The following CNKSR2 variants were observed in gnomAD, a reference collection of about 807,000 sequenced individuals.
CNKSR2 encodes the protein connector enhancer of kinase suppressor of Ras 2.
In CNKSR2, 14 loss-of-function variants were observed where a neutral mutation model predicts 84.4. The ratio of observed to expected loss-of-function variants is 0.17; its 90% CI spans 0.11 to 0.26. The LOEUF (loss-of-function observed/expected upper bound fraction) is 0.26, where lower values mean the gene tolerates loss of function less well. CNKSR2 is among the 10% of genes least tolerant of loss of function. CNKSR2 has a pLI of 1.00. For synonymous variants in CNKSR2, 275 were observed against 277.9 expected, an observed-to-expected ratio of 0.99 and a Z score of 0.10; for missense variants, 485 against 771.2, an observed-to-expected ratio of 0.63 and a Z score of 4.40.
chrX:21,488,620 A>G (rs754042633), intron 5 of CNKSR2, among the ~76,000 whole-genome samples: 1 of 111,847 alleles, frequency 8.9e-6, no homozygotes, highest in African/African-American at 3.2e-5. Context: ...TTAGCATGAC[A>G]GTTTCTTTAG....
At chrX:21,557,715 C>T (rs1430408103) in intron 11 of CNKSR2, among the ~76,000 whole-genome samples, 1 of 110,921 alleles carries the variant, frequency 9.0e-6, no homozygotes, top group Non-Finnish European at 1.9e-5. Context: ...GGCCCTAATC[C>T]TCGTTTTCTA....
At chrX:21,419,871 T>C (rs752808775) in intron 1 of CNKSR2, among the ~76,000 whole-genome samples, 24 of 112,102 alleles carry the variant, frequency 2.1e-4, no homozygotes, top group African/African-American at 5.8e-4. Context: ...TACATCTTGC[T>C]CAAGTCCTGC....
chrX:21,567,149 T>C (rs1234433022), intron 13 of CNKSR2, among the ~76,000 whole-genome samples: 2 of 111,650 alleles, frequency 1.8e-5, no homozygotes, highest in Non-Finnish European at 3.8e-5. Context: ...CACTACCCTC[T>C]GAACTAAATC....
At chrX:21,420,271 C>T (rs1244398723) in intron 1 of CNKSR2, among the ~76,000 whole-genome samples, 1 of 112,419 alleles carries the variant, frequency 8.9e-6, no homozygotes, top group Non-Finnish European at 1.9e-5. Flanking sequence ...TGCTGCCTGG[C>T]CTGGGCCTCA....
chrX:21,470,299 G>T (rs1161560953), intron 4 of CNKSR2, among the ~76,000 whole-genome samples: 1 of 111,442 alleles, frequency 9.0e-6, no homozygotes, highest in African/African-American at 3.3e-5. Context: ...TTAATAGCTT[G>T]CAATAGTTGA....
chrX:21,442,731 A>G (rs1382911083), intron 4 of CNKSR2, among the ~76,000 whole-genome samples: 1 of 111,871 alleles, frequency 8.9e-6, no homozygotes, highest in Non-Finnish European at 1.9e-5. Context: ...ATTTAAAAAT[A>G]GTGAAGACTT....
Position 21,609,092 on chromosome X carries a change from G to C in CNKSR2, c.2167G>C (p.Val723Leu). Residue 723 changes from valine to leucine, a missense_variant, in exon 20 of 22, where the codon GTG becomes CTG. Val to Leu is a conservative substitution (Grantham distance 32). This residue lies in a region of CNKSR2 where 210 missense variants were observed against 291.5 expected (regional missense o/e 0.72). Transcript: ENST00000379510. The part of the protein sequence containing the change: ...PPSMSCASPY[V>L]EAKHSRLSST... ...ACAGATGAGTTGCGCCAGTCCTTAT[G>C]TGGAAGCAAAACATAGCCGACTTTC... The C allele has an allele frequency of 1.7e-6, 2 of 1,208,911 alleles. No individual in the cohort carries two copies. Among genetic ancestry groups the C allele is most frequent in the East Asian group, 5.9e-5 (2 of 33,829 alleles).
At chrX:21,390,581 C>T (rs1264551382) in intron 1 of CNKSR2, among the ~76,000 whole-genome samples, 1 of 111,322 alleles carries the variant, frequency 9.0e-6, no homozygotes, top group Non-Finnish European at 1.9e-5. Flanking sequence ...GGAAATCCAC[C>T]CCCATGAGCC....
At chrX:21,467,266 T>A (rs146128701) in intron 4 of CNKSR2, among the ~76,000 whole-genome samples, 2,116 of 111,525 alleles carry the variant, frequency 0.019, 24 homozygotes, top group Non-Finnish European at 0.03. Context: ...GGCCTCACTC[T>A]GAATCAACTA....
At chrX:21,561,766 C>T (rs1420904163) in intron 12 of CNKSR2, among the ~76,000 whole-genome samples, 1 of 110,878 alleles carries the variant, frequency 9.0e-6, no homozygotes, top group Non-Finnish European at 1.9e-5. Context: ...TAAGGGGTTC[C>T]AGGTACATAA....
In CNKSR2 at chrX:21,503,219, G is replaced by T. The variant is rs1212819554; in HGVS notation, c.810+1631G>T. The T allele has an allele frequency of 2.4e-5, 7 of 292,158 alleles. No homozygotes were observed. In the East Asian group the frequency reaches 3.4e-4, roughly 14 times the overall value. 24.1% of individuals were successfully genotyped at this position (292,158 alleles called of 1,213,427 possible). On this transcript the variant is annotated intron_variant, in intron 8 of 21. Transcript: ENST00000379510. ...GGTGACATTTAAATACACCTAGAAT[G>T]TGTAAATGCATCTTTACATCACAGG...
intron 1 of CNKSR2, among the ~76,000 whole-genome samples, chrX:21,415,049 A>C (rs2090397581): frequency 9.0e-6 from 1 of 111,703 alleles, no homozygotes; most frequent in South Asian, 3.7e-4. Flanking sequence ...TTGTGATTCC[A>C]TATACATTTT....
chrX:21,577,860 A>G (rs1265091240), intron 13 of CNKSR2, among the ~76,000 whole-genome samples: 5 of 111,147 alleles, frequency 4.5e-5, no homozygotes, highest in East Asian at 2.8e-4. Flanking sequence ...CCACAAAACT[A>G]TGGGTATAAT....
At chrX:21,380,883 A>G (rs1169708839) in intron 1 of CNKSR2, among the ~76,000 whole-genome samples, 1 of 112,384 alleles carries the variant, frequency 8.9e-6, no homozygotes, top group Non-Finnish European at 1.9e-5. Flanking sequence ...TACTAATTTT[A>G]AAAAAGGTTG....
At chrX:21,452,523 C>T (rs981942969) in intron 4 of CNKSR2, among the ~76,000 whole-genome samples, 2 of 111,267 alleles carry the variant, frequency 1.8e-5, no homozygotes, top group South Asian at 7.4e-4. Context: ...TTGCCTGTAC[C>T]CTCACGTCTC....
chrX:21,570,062 T>C (rs960853245), intron 13 of CNKSR2, among the ~76,000 whole-genome samples: 18 of 112,142 alleles, frequency 1.6e-4, no homozygotes, highest in African/African-American at 5.8e-4. Context: ...TAAATGAGCA[T>C]TGGCTTCAAG....
intron 13 of CNKSR2, among the ~76,000 whole-genome samples, chrX:21,586,643 A>G (rs2092390467): frequency 8.9e-6 from 1 of 112,315 alleles, no homozygotes; most frequent in South Asian, 3.7e-4. Flanking sequence ...GCAAATTACA[A>G]GAAGGTCACA....
intron 1 of CNKSR2, chrX:21,423,617 G>A (rs932684867): frequency 2.7e-5 from 3 of 111,517 alleles, no homozygotes; most frequent in Non-Finnish European, 5.7e-5. Context: ...GTAGGAGGAC[G>A]ACTGTTAAGG....
intron 3 of CNKSR2, among the ~76,000 whole-genome samples, chrX:21,438,298 G>A (rs2090736869): frequency 8.9e-6 from 1 of 111,938 alleles, no homozygotes; most frequent in South Asian, 3.6e-4. Context: ...TCTAAACCCA[G>A]AAAAGGTACA....
Sources: allele counts gnomAD v4.1 joint callset (sites outside exome capture counted in the v4.1 genomes callset), GRCh38; gene constraint gnomAD v4.1.1; regional missense constraint gnomAD v4.1.1; transcripts MANE v1.5; gene names NCBI Gene and HGNC (gene_info 2026-07-23, HGNC 2026-07-21).